CPPED1: variants seen among roughly 807,000 people sequenced by gnomAD.
CPPED1 encodes calcineurin like phosphoesterase domain containing 1.
CPPED1 carries 28 observed loss-of-function variants against 28.0 expected under a neutral mutation model. The observed-to-expected ratio is 1.00, with a 90% CI of 0.74 to 1.37. The LOEUF is 1.37. CPPED1 is among the 40% of genes most tolerant of loss of function. The pLI is 0.00. For missense variants in CPPED1, 504 were observed against 416.5 expected (o/e 1.21, Z -1.83); for synonymous variants, 198 against 180.2 (o/e 1.10, Z -0.79).
At chr16:12,775,150 G>A (rs1000069912) in intron 2 of CPPED1, among the ~76,000 whole-genome samples, 2 of 152,142 alleles carry the variant, frequency 1.3e-5, no homozygotes, top group African/African-American at 4.8e-5. Flanking sequence ...AGAGACCCGA[G>A]TTAGCACACT....
intron 2 of CPPED1, among the ~76,000 whole-genome samples, chr16:12,775,117 G>A (rs900490464): frequency 2.0e-5 from 3 of 152,082 alleles, no homozygotes; most frequent in Non-Finnish European, 4.4e-5. Flanking sequence ...ACTGCCCTGG[G>A]CTGGTGGCTT....
At chr16:12,731,155 ATT>A (rs36018134) in intron 2 of CPPED1, among the ~76,000 whole-genome samples, 85 of 136,988 alleles carry the variant, frequency 6.2e-4, no homozygotes, top group Admixed American at 8.1e-4. Flanking sequence ...AAAAAAAAAA[ATT>A]TTTTTTTTTT....
chr16:12,797,952 G>A (rs763010689), intron 1 of CPPED1, among the ~76,000 whole-genome samples: 1 of 151,670 alleles, frequency 6.6e-6, no homozygotes, highest in Non-Finnish European at 1.5e-5. Flanking sequence ...GCATGGTGGT[G>A]CACGCCTGTA....
intron 3 of CPPED1, among the ~76,000 whole-genome samples, chr16:12,688,032 A>G (rs1278615519): frequency 1.4e-5 from 2 of 143,952 alleles, no homozygotes; most frequent in Non-Finnish European, 3.1e-5. Context: ...AACTCACACT[A>G]TTTTTTTTTT....
chr16:12,789,734 C>T (rs59739043), intron 1 of CPPED1, among the ~76,000 whole-genome samples: 5,414 of 152,082 alleles, frequency 0.036, 328 homozygotes, highest in African/African-American at 0.12. Flanking sequence ...ACCATGTTGC[C>T]CAGGCTGGTC....
At chr16:12,733,664 T>C (rs1224817986) in intron 2 of CPPED1, among the ~76,000 whole-genome samples, 1 of 152,180 alleles carries the variant, frequency 6.6e-6, no homozygotes. Context: ...ATCCTCATTC[T>C]CCAGGACACA....
In CPPED1 at chr16:12,729,030, A is replaced by G. The variant is rs115107433; in HGVS notation, c.290-23981T>C. 8.4e-3 allele frequency among the ~76,000 whole-genome samples: 1,274 copies of G among 152,204 alleles called. 19 individuals are homozygous for G. The highest frequency in any genetic ancestry group is 0.029 in the African/African-American group (1,188 of 41,536). Reference sequence around the variant, plus strand: ...CTGCTGGTGAGGTCACCATCACTGGAAACATGGGTGTCTGTGAGTCCTCCT... The same window carrying G: ...CTGCTGGTGAGGTCACCATCACTGGGAACATGGGTGTCTGTGAGTCCTCCT... On this transcript the variant is annotated intron_variant, in intron 2 of 3. Coordinates refer to ENST00000381774, the MANE Select transcript of CPPED1 (RefSeq NM_018340.3).
At chr16:12,667,377 T>G (rs1017711987) in intron 3 of CPPED1, among the ~76,000 whole-genome samples, 1 of 152,142 alleles carries the variant, frequency 6.6e-6, no homozygotes, top group African/African-American at 2.4e-5. Flanking sequence ...TAGGCATAAA[T>G]TGAATGAGAA....
intron 2 of CPPED1, 91 bp downstream of exon 2, chr16:12,781,094 G>C: frequency 9.1e-7 from 1 of 1,102,534 alleles, no homozygotes; most frequent in South Asian, 1.4e-5. Context: ...GAGCAAAGAT[G>C]CCTTCGAAGC....
chr16:12,664,996 G>A lies in CPPED1; in HGVS notation c.835C>T (p.Arg279Ter), dbSNP rs752496637. ...TTCTCGGCGGTGACCACCACGACTC[G>A]GAGCCCGTGGGGGTCTCTGCCCAGC... Reference protein sequence around the residue: ...CQLGRDPHGLRVVVVTAEKIV... With the variant: ...CQLGRDPHGL The change falls in exon 4 of 4, where the codon CGA (arginine) becomes TGA (stop). Residue 279 changes from arginine to a stop codon, truncating the protein, a stop_gained. Transcript: ENST00000381774. LOFTEE classifies it high-confidence loss of function. This position sits in a 1 kb window ranked among gnomAD's most constrained non-coding sequence, Gnocchi z 4.2. 8.1e-6 allele frequency: 13 copies of A among 1,611,048 alleles called. No individual in the cohort carries two copies. Among genetic ancestry groups the A allele is most frequent in the South Asian group, 2.2e-5 (2 of 90,756 alleles).
rs71142517 is a variant in CPPED1 at position 12,734,058 on chromosome 16, G to GTTTTTTTTTTTT, written c.290-29021_290-29010dup. 1.9e-4 allele frequency among the ~76,000 whole-genome samples: 12 copies of GTTTTTTTTTTTT among 64,424 alleles called. 3 individuals carry two copies. The highest frequency in any genetic ancestry group is 6.8e-4 in the African/African-American group (8 of 11,722). 42.3% of individuals were successfully genotyped at this position (64,424 alleles called of 152,430 possible). ...CTTTGTCTCTGTTTTCAAATTACAC[G>GTTTTTTTTTTTT]TTTTTTTTTTTTTTTTTTTTTTTTT... On this transcript the variant is annotated intron_variant, in intron 2 of 3. Coordinates refer to ENST00000381774, the MANE Select transcript of CPPED1 (RefSeq NM_018340.3).
At chr16:12,796,389 G>C (rs1468571475) in intron 1 of CPPED1, among the ~76,000 whole-genome samples, 1 of 151,830 alleles carries the variant, frequency 6.6e-6, no homozygotes, top group African/African-American at 2.4e-5. Context: ...CAGCTACTTG[G>C]GAGTCTGAGG....
intron 2 of CPPED1, among the ~76,000 whole-genome samples, chr16:12,723,216 T>A (rs1365669428): frequency 1.3e-5 from 2 of 152,170 alleles, no homozygotes; most frequent in Non-Finnish European, 2.9e-5. Context: ...TATAGCCTCT[T>A]CCCCTAACAG....
chr16:12,695,433 TA>T lies in CPPED1; in HGVS notation c.715+9190del, dbSNP rs11389288. On this transcript the variant is annotated intron_variant, in intron 3 of 3. Coordinates refer to ENST00000381774, the MANE Select transcript of CPPED1 (RefSeq NM_018340.3). ...GTGCATACTATTATGCCTGGTTAGTTAAAAAAAAAATCCTTTTCGCAAAGAC... is the reference window on the plus strand; with the variant it reads ...GTGCATACTATTATGCCTGGTTAGTTAAAAAAAAATCCTTTTCGCAAAGAC... 4.7e-5 allele frequency among the ~76,000 whole-genome samples: 7 copies of T among 149,954 alleles called. No individual in the cohort carries two copies. In the South Asian group the frequency reaches 6.3e-4, roughly 14 times the overall value.
intron 2 of CPPED1, among the ~76,000 whole-genome samples, chr16:12,723,728 G>A (rs1183141307): frequency 1.3e-5 from 2 of 152,210 alleles, no homozygotes; most frequent in Non-Finnish European, 2.9e-5. Context: ...GGTCGGAGCA[G>A]CTGTGCTTCT....
At chr16:12,799,139 C>A (rs1315868600) in intron 1 of CPPED1, among the ~76,000 whole-genome samples, 1 of 151,942 alleles carries the variant, frequency 6.6e-6, no homozygotes, top group Non-Finnish European at 1.5e-5. Context: ...GCTGATTCTG[C>A]AGCAAAGGTG....
chr16:12,769,216 G>C (rs1274512443), intron 2 of CPPED1, among the ~76,000 whole-genome samples: 1 of 151,930 alleles, frequency 6.6e-6, no homozygotes, highest in Non-Finnish European at 1.5e-5. Flanking sequence ...TCTGCTATTA[G>C]ACTGTGTTAT....
At chr16:12,779,403 T>TC (rs2080516568) in intron 2 of CPPED1, among the ~76,000 whole-genome samples, 3 of 150,964 alleles carry the variant, frequency 2.0e-5, no homozygotes, top group Non-Finnish European at 3.0e-5. Context: ...TTTTTCTTTT[T>TC]TGAGACTAAG....
At chr16:12,795,027 G>C (rs2080618502) in intron 1 of CPPED1, among the ~76,000 whole-genome samples, 1 of 152,260 alleles carries the variant, frequency 6.6e-6, no homozygotes, top group African/African-American at 2.4e-5. Flanking sequence ...CACTTTTCAA[G>C]AGCAGAACTC....
Sources: gnomAD v4.1 joint callset for allele counts (sites outside exome capture counted in the v4.1 genomes callset) on GRCh38, gnomAD v4.1.1 for gene constraint, Gnocchi (gnomAD v3.1) non-coding constraint, MANE v1.5 for transcripts, NCBI Gene and HGNC (gene_info 2026-07-23, HGNC 2026-07-21) for gene names.